EDAR: variants seen among roughly 807,000 people sequenced by gnomAD.
EDAR encodes the protein ectodysplasin A receptor, also known as tumor necrosis factor receptor superfamily member EDAR.
A neutral mutation model predicts 51.3 loss-of-function variants in EDAR; 38 were observed. The ratio of observed to expected loss-of-function variants is 0.74; its 90% CI spans 0.57 to 0.97. The LOEUF is 0.97. EDAR is among the 50% of genes least tolerant of loss of function. The probability of loss-of-function intolerance (pLI) is 0.00; values close to 1 mark genes in which losing one functional copy is unlikely to be tolerated. For synonymous variants in EDAR, 227 were observed against 242.1 expected (o/e 0.94, Z 0.58); for missense variants, 528 against 595.0 (o/e 0.89, Z 1.17).
At chr2:108,937,111 C>T (rs964883038) in intron 1 of EDAR, among the ~76,000 whole-genome samples, 3 of 152,228 alleles carry the variant, frequency 2.0e-5, no homozygotes, top group Non-Finnish European at 2.9e-5. Context: ...TGGAGGGTGA[C>T]GCTGAAACAG....
At chr2:108,957,283 C>A (rs921132801) in intron 1 of EDAR, among the ~76,000 whole-genome samples, 7 of 152,230 alleles carry the variant, frequency 4.6e-5, no homozygotes, top group African/African-American at 1.7e-4. Context: ...AGATGAAAGC[C>A]TGGAAACAGC....
intron 1 of EDAR, among the ~76,000 whole-genome samples, chr2:108,984,761 T>A (rs1456648851): frequency 6.6e-6 from 1 of 152,050 alleles, no homozygotes; most frequent in East Asian, 1.9e-4. Flanking sequence ...GCTCTGTGAG[T>A]GCAGGGATGT....
chr2:108,923,443 G>T lies in EDAR; in HGVS notation c.367C>A (p.Leu123Met). The T allele has an allele frequency of 6.2e-7, 1 of 1,614,148 alleles. No homozygotes were observed. Residue 123 changes from leucine (L) to methionine (M), a missense_variant, in exon 5 of 12, where the codon CTG becomes ATG. Physicochemically the swap from Leu to Met is conservative, Grantham distance 15. Transcript: ENST00000258443. The stretch of plus-strand genomic sequence containing the variant: ...TAGATGTTCCTCGGTCTGTTCTCCA[G>T]CATGTAGTAGCTACGGGGGAGAGAC... ...CGPCLPGYYM[L>M]ENRPRNIYGM... is the part of the protein sequence containing the mutation.
intron 1 of EDAR, among the ~76,000 whole-genome samples, chr2:108,987,561 G>A (rs1018907056): frequency 6.6e-6 from 1 of 152,246 alleles, no homozygotes; most frequent in Non-Finnish European, 1.5e-5. Flanking sequence ...AGTGGCCAGG[G>A]AGTGAAAATC....
At chr2:108,962,524 A>T (rs1698067905) in intron 1 of EDAR, among the ~76,000 whole-genome samples, 1 of 151,812 alleles carries the variant, frequency 6.6e-6, no homozygotes. Context: ...ATACAAAAAA[A>T]ATTAGCCGGG....
chr2:108,914,110 A>G (rs1696983959), intron 5 of EDAR, among the ~76,000 whole-genome samples: 1 of 151,860 alleles, frequency 6.6e-6, no homozygotes, highest in African/African-American at 2.4e-5. Context: ...AATACAAAAA[A>G]TTAGCCAGGC....
chr2:108,907,720 A>C, intron 10 of EDAR, 140 bp downstream of exon 10: 1 of 942,482 alleles, frequency 1.1e-6, no homozygotes, highest in Non-Finnish European at 1.7e-6. Flanking sequence ...TGAACTTGTC[A>C]CTGTCCAGGT....
intron 1 of EDAR, among the ~76,000 whole-genome samples, chr2:108,951,536 T>C (rs942306961): frequency 1.3e-5 from 2 of 152,138 alleles, no homozygotes; most frequent in Non-Finnish European, 2.9e-5. Flanking sequence ...TTTAGATGTG[T>C]GTTTAAATTT....
chr2:108,953,295 C>T lies in EDAR; in HGVS notation c.-18-22263G>A, dbSNP rs150862164. 8.0e-3 allele frequency among the ~76,000 whole-genome samples: 1,211 copies of T among 152,216 alleles called. 9 individuals are homozygous for T. Among genetic ancestry groups the T allele is most frequent in the South Asian group, 0.029 (139 of 4,812 alleles). On this transcript the variant is annotated intron_variant, in intron 1 of 11. Transcript: ENST00000258443. ...TTCTCTGTTGTCTGCTAGCTTGTGC[C>T]GAGTCTTGGCCAAGACCCACCGGTA...
At chr2:108,953,657 C>G (rs260704) in intron 1 of EDAR, among the ~76,000 whole-genome samples, 49,746 of 151,868 alleles carry the variant, frequency 0.33, 12,974 homozygotes, top group East Asian at 0.95. Context: ...TAATTTGGTG[C>G]TGTCATTGTC....
chr2:108,919,772 C>A (rs1310700977), intron 5 of EDAR, among the ~76,000 whole-genome samples: 2 of 152,184 alleles, frequency 1.3e-5, no homozygotes, highest in Admixed American at 6.5e-5. Context: ...AGCGAGGCTC[C>A]GTGGGGCACC....
chr2:108,972,801 C>T (rs988417485), intron 1 of EDAR, among the ~76,000 whole-genome samples: 1 of 152,194 alleles, frequency 6.6e-6, no homozygotes, highest in South Asian at 2.1e-4. Context: ...GGGCCTCCGG[C>T]AGGGGCGTTC....
chr2:108,977,090 C>A (rs550155622), intron 1 of EDAR, among the ~76,000 whole-genome samples: 1 of 152,120 alleles, frequency 6.6e-6, no homozygotes, highest in African/African-American at 2.4e-5. Context: ...GTGATCAGGA[C>A]GCCAATAAGG....
chr2:108,977,414 A>G (rs260600), intron 1 of EDAR, among the ~76,000 whole-genome samples: 117,703 of 151,938 alleles, frequency 0.77, 47,121 homozygotes, highest in South Asian at 0.87. Context: ...GACTACAGGC[A>G]CCCGCCACCA....
chr2:108,935,080 C>T (rs886178426), intron 1 of EDAR, among the ~76,000 whole-genome samples: 1 of 152,222 alleles, frequency 6.6e-6, no homozygotes, highest in Non-Finnish European at 1.5e-5. Flanking sequence ...TAAGAGACCG[C>T]ATGACCAGGT....
intron 1 of EDAR, among the ~76,000 whole-genome samples, chr2:108,969,248 C>G (rs1228061296): frequency 6.6e-6 from 1 of 152,088 alleles, no homozygotes; most frequent in Non-Finnish European, 1.5e-5. Context: ...CTGCCCTCAG[C>G]TCCAACCTCC....
At chr2:108,940,564 G>C (rs926692083) in intron 1 of EDAR, among the ~76,000 whole-genome samples, 4 of 152,266 alleles carry the variant, frequency 2.6e-5, no homozygotes, top group African/African-American at 7.2e-5. Flanking sequence ...GCGGAGGTGA[G>C]AGCAGCCAGG....
intron 5 of EDAR, among the ~76,000 whole-genome samples, chr2:108,921,842 A>G (rs1345102771): frequency 6.6e-6 from 1 of 152,222 alleles, no homozygotes; most frequent in Admixed American, 6.5e-5. Flanking sequence ...GCCTTGCCCA[A>G]GGGGCCTCTA....
At chr2:108,984,311 G>A (rs1448971705) in intron 1 of EDAR, among the ~76,000 whole-genome samples, 1 of 152,178 alleles carries the variant, frequency 6.6e-6, no homozygotes, top group Non-Finnish European at 1.5e-5. Context: ...GGCATGGGAT[G>A]GGGTGGTGTG....
Sources: gnomAD v4.1 joint callset for allele counts (sites outside exome capture counted in the v4.1 genomes callset) on GRCh38, gnomAD v4.1.1 for gene constraint, MANE v1.5 for transcripts, NCBI Gene and HGNC (gene_info 2026-07-23, HGNC 2026-07-21) for gene names.